Variants in CACNG3 observed in about 807,000 individuals in gnomAD.
The protein encoded by CACNG3 is calcium voltage-gated channel auxiliary subunit gamma 3, also known as voltage-dependent calcium channel gamma-3 subunit.
CACNG3 carries 3 observed loss-of-function variants against 28.5 expected under a neutral mutation model. The ratio of observed to expected loss-of-function variants is 0.11; its 90% CI spans 0.05 to 0.27. The LOEUF (loss-of-function observed/expected upper bound fraction) is 0.27, where lower values mean the gene tolerates loss of function less well. Among genes scored for constraint, CACNG3 ranks in the 10% least tolerant of loss-of-function variants. CACNG3 has a pLI of 1.00. For missense variants in CACNG3, 236 were observed against 414.4 expected, an observed-to-expected ratio of 0.57 and a Z score of 3.74; for synonymous variants, 174 against 162.2, an observed-to-expected ratio of 1.07 and a Z score of -0.55.
At chr16:24,305,896 C>T (rs1373710947) in intron 1 of CACNG3, among the ~76,000 whole-genome samples, 1 of 152,174 alleles carries the variant, frequency 6.6e-6, no homozygotes, top group East Asian at 1.9e-4. Context: ...GGGTCTGGAA[C>T]TCCTGGCCTT....
chr16:24,286,407 G>GACACAC (rs34888406), intron 1 of CACNG3, among the ~76,000 whole-genome samples: 3 of 136,404 alleles, frequency 2.2e-5, no homozygotes, highest in Admixed American at 7.1e-5. Flanking sequence ...TTAAATGAAG[G>GACACAC]ACACACACAC....
At chr16:24,298,045 A>G (rs1020738946) in intron 1 of CACNG3, among the ~76,000 whole-genome samples, 1 of 151,832 alleles carries the variant, frequency 6.6e-6, no homozygotes, top group African/African-American at 2.4e-5. Context: ...TTATTACAGA[A>G]GCAATGCATT....
chr16:24,274,668 G>A (rs2238501), intron 1 of CACNG3, among the ~76,000 whole-genome samples: 30,825 of 152,076 alleles, frequency 0.2, 3,612 homozygotes, highest in Non-Finnish European at 0.28. Context: ...CATACTGGTT[G>A]ATGAAGGTAG....
chr16:24,346,721 T>C lies in CACNG3; in HGVS notation c.212-13T>C. 5.0e-6 allele frequency: 8 copies of C among 1,609,536 alleles called. No homozygotes were observed. The highest frequency in any genetic ancestry group is 6.8e-6 in the Non-Finnish European group (8 of 1,175,840). On this transcript the variant is annotated splice_polypyrimidine_tract_variant and intron_variant, in intron 1 of 3. Coordinates refer to ENST00000005284, the MANE Select transcript of CACNG3 (RefSeq NM_006539.4). ...TCCTCCCCCAGGCTCAGAACCCTTA[T>C]CTGTTTCCACAGGGGCTTTCCGAGG...
At chr16:24,327,186 A>G (rs906244934) in intron 1 of CACNG3, among the ~76,000 whole-genome samples, 5 of 142,596 alleles carry the variant, frequency 3.5e-5, no homozygotes, top group African/African-American at 1.2e-4. Flanking sequence ...GAGGAAAAGA[A>G]GACTTGGGCT....
rs1266417829 is a variant in CACNG3 at position 24,346,890 on chromosome 16, G to T, written c.295+73G>T. On this transcript the variant is annotated intron_variant, in intron 2 of 3. Coordinates refer to ENST00000005284, the MANE Select transcript of CACNG3 (RefSeq NM_006539.4). The stretch of plus-strand genomic sequence containing the variant: ...TCTGCCATCACTCAGCTGCCTCTGA[G>T]TCGGAGCTTCCTCAGCATCTGTCCC... The T allele has an allele frequency of 9.4e-6, 11 of 1,173,132 alleles. No individual in the cohort carries two copies. In the Admixed American group the frequency reaches 1.7e-4, roughly 18 times the overall value. 72.7% of individuals were successfully genotyped at this position (1,173,132 alleles called of 1,614,324 possible). A position where few individuals can be genotyped will look rare whatever the true frequency, so the allele number is the denominator to read the frequency against.
In CACNG3 at chr16:24,256,905, A is replaced by G; in HGVS notation, c.151A>G (p.Ser51Gly). The change falls in exon 1 of 4, where the codon AGC becomes GGC. Residue 51 changes from serine to glycine, a missense_variant. Physicochemically the swap from Ser to Gly is moderately conservative, Grantham distance 56. This residue lies in a region of CACNG3 where 120 missense variants were observed against 263.4 expected (regional missense o/e 0.46). Coordinates refer to ENST00000005284, the MANE Select transcript of CACNG3 (RefSeq NM_006539.4). This position sits in a 1 kb window ranked among gnomAD's most constrained non-coding sequence, Gnocchi z 4.6. ...TAAATCTACAAGTGATAATGAAACC[A>G]GCAGGAAGAATGAAGAAGTAATGAC... is the stretch of plus-strand genomic sequence containing the variant. ...RTKSTSDNET[S>G]RKNEEVMTHS... 1 of 1,614,140 alleles carries G rather than the reference A, an allele frequency of 6.2e-7. No individual in the cohort carries two copies. The highest frequency in any genetic ancestry group is 8.5e-7 in the Non-Finnish European group (1 of 1,179,924).
rs779008969 is a variant in CACNG3, at chr16:24,361,762, G to A, written c.847G>A (p.Asp283Asn). 5 of 1,613,916 alleles carry A rather than the reference G, an allele frequency of 3.1e-6. No homozygotes were observed. The South Asian group carries it at 3.3e-5, about 11-fold the overall frequency. The change falls in exon 4 of 4, where the codon GAC becomes AAC. Residue 283 changes from aspartate (D) to asparagine (N), a missense_variant. Coordinates refer to ENST00000005284, the MANE Select transcript of CACNG3 (RefSeq NM_006539.4). The surrounding 1 kb of genome is among the most constrained non-coding windows in gnomAD (Gnocchi z 6.8). ...KITMGTLLNS[D>N]RDHAFLQFHN... Reference sequence around the variant, plus strand: ...CACCATGGGGACCCTCCTCAACTCCGACCGGGACCACGCTTTTCTACAGTT... The same window carrying A: ...CACCATGGGGACCCTCCTCAACTCCAACCGGGACCACGCTTTTCTACAGTT...
At chr16:24,354,157 A>G (rs536537264) in intron 2 of CACNG3, among the ~76,000 whole-genome samples, 7 of 152,268 alleles carry the variant, frequency 4.6e-5, no homozygotes, top group Non-Finnish European at 1.0e-4. Flanking sequence ...GCACCACTGC[A>G]CTCCAGCCAG....
intron 1 of CACNG3, among the ~76,000 whole-genome samples, chr16:24,291,654 C>G (rs1408647206): frequency 6.6e-6 from 1 of 152,136 alleles, no homozygotes; most frequent in Non-Finnish European, 1.5e-5. Flanking sequence ...GTGAGTCAGA[C>G]AGTCCTGGGT....
At position 24,326,174 on chromosome 16, in the gene CACNG3, CTTTTTTT is replaced by C. The variant is rs58752966; in HGVS notation, c.212-20552_212-20546del. On this transcript the variant is annotated intron_variant, in intron 1 of 3. Coordinates refer to ENST00000005284, the MANE Select transcript of CACNG3 (RefSeq NM_006539.4). ...TTTTCTTTTTTGTTTTTTCTTTTTT[CTTTTTTT>C]TTTTTTTGAGATGGAGTTTCGCTCT... Among the ~76,000 whole-genome samples the C allele has an allele frequency of 1.4e-4, 20 of 141,024 alleles. No individual in the cohort carries two copies. In the South Asian group the frequency reaches 4.0e-3, roughly 28 times the overall value. The allele number at this position is 141,024 out of a possible 152,430, so 92.5% of individuals were successfully genotyped here.
intron 1 of CACNG3, among the ~76,000 whole-genome samples, chr16:24,339,095 A>T (rs1899747585): frequency 6.7e-6 from 1 of 149,254 alleles, no homozygotes; most frequent in African/African-American, 2.4e-5. Flanking sequence ...GGTGGTGGGG[A>T]AAGCACTTTT....
rs754621466 is a variant in CACNG3 at position 24,361,773 on chromosome 16, C to T, written c.858C>T (p.His286=). The change falls in exon 4 of 4, where the codon CAC becomes CAT. Residue 286 remains histidine, a synonymous_variant. Coordinates refer to ENST00000005284, the MANE Select transcript of CACNG3 (RefSeq NM_006539.4). The surrounding 1 kb of genome is among the most constrained non-coding windows in gnomAD (Gnocchi z 6.8). The part of the protein sequence containing the change: ...MGTLLNSDRD[H]AFLQFHNSTP... ...CCCTCCTCAACTCCGACCGGGACCA[C>T]GCTTTTCTACAGTTCCACAATTCCA... 18 of 1,613,956 alleles carry T rather than the reference C, an allele frequency of 1.1e-5. No individual in the cohort carries two copies. The highest frequency in any genetic ancestry group is 3.3e-5 in the Admixed American group (2 of 60,000).
chr16:24,311,006 A>G (rs1178846819), intron 1 of CACNG3, among the ~76,000 whole-genome samples: 1 of 152,132 alleles, frequency 6.6e-6, no homozygotes, highest in South Asian at 2.1e-4. Context: ...ATGTCCCTGC[A>G]CCCGTTTCCA....
chr16:24,334,283 T>C (rs149517708), intron 1 of CACNG3, among the ~76,000 whole-genome samples: 113 of 152,284 alleles, frequency 7.4e-4, no homozygotes, highest in Non-Finnish European at 1.4e-3. Flanking sequence ...GAGATGGATG[T>C]CAAGCTCTGG....
intron 1 of CACNG3, among the ~76,000 whole-genome samples, chr16:24,262,641 T>C (rs1321312785): frequency 6.6e-6 from 1 of 152,190 alleles, no homozygotes; most frequent in Non-Finnish European, 1.5e-5. Context: ...CCATTCATTC[T>C]GATTGTCTGG....
At chr16:24,329,363 T>C (rs1330565626) in intron 1 of CACNG3, among the ~76,000 whole-genome samples, 1 of 152,162 alleles carries the variant, frequency 6.6e-6, no homozygotes, top group Non-Finnish European at 1.5e-5. Flanking sequence ...CCAGCGAAGG[T>C]TGAAATAAGC....
chr16:24,258,983 A>G (rs910796092), intron 1 of CACNG3, among the ~76,000 whole-genome samples: 1 of 152,196 alleles, frequency 6.6e-6, no homozygotes, highest in Non-Finnish European at 1.5e-5. Context: ...TTTTTCCAAC[A>G]TCAAGTCCTA....
chr16:24,312,955 G>GAGAA (rs1555460243), intron 1 of CACNG3, among the ~76,000 whole-genome samples: 1,170 of 110,692 alleles, frequency 0.011, 33 homozygotes, highest in South Asian at 0.089. Flanking sequence ...AAGAAAGAAA[G>GAGAA]AGAAAGAAAG....
Sources: allele counts gnomAD v4.1 joint callset (sites outside exome capture counted in the v4.1 genomes callset), GRCh38; gene constraint gnomAD v4.1.1; regional missense constraint gnomAD v4.1.1; non-coding constraint Gnocchi (gnomAD v3.1); transcripts MANE v1.5; gene names NCBI Gene and HGNC (gene_info 2026-07-23, HGNC 2026-07-21).